The following SLC4A10 variants were observed in gnomAD, a reference collection of about 807,000 sequenced individuals.
SLC4A10 encodes sodium-driven chloride bicarbonate exchanger.
Under a neutral mutation model 137.7 loss-of-function variants are expected in SLC4A10, and 42 were observed. The observed-to-expected ratio is 0.30, with a 90% CI of 0.24 to 0.39. SLC4A10 has a LOEUF of 0.39. Among genes scored for constraint, SLC4A10 ranks in the 10% least tolerant of loss-of-function variants. The pLI is 1.00. For synonymous variants in SLC4A10, 474 were observed against 464.1 expected (o/e 1.02, Z -0.27); for missense variants, 925 against 1,355.0 (o/e 0.68, Z 4.98).
chr2:161,673,786 T>C (rs772369736), intron 1 of SLC4A10, among the ~76,000 whole-genome samples: 13 of 152,106 alleles, frequency 8.5e-5, no homozygotes, highest in Non-Finnish European at 1.5e-4. Flanking sequence ...GGTCAGGAGT[T>C]CAAGACCAGC....
intron 1 of SLC4A10, among the ~76,000 whole-genome samples, chr2:161,760,795 T>A (rs981355579): frequency 4.6e-5 from 7 of 151,978 alleles, no homozygotes; most frequent in Non-Finnish European, 7.4e-5. Context: ...ATAATCTCTC[T>A]GAGGATGGAA....
Position 161,780,891 on chromosome 2 carries a change from A to C in SLC4A10, c.130+9837A>C, listed in dbSNP as rs574999198. Among the ~76,000 whole-genome samples, 5 of 152,186 alleles carry C rather than the reference A, an allele frequency of 3.3e-5. No homozygotes were observed. The East Asian group carries it at 9.7e-4, about 29-fold the overall frequency. ...ATAATATGTTTAATAAAAAATACAT[A>C]TCTAAAAGGATAATCTGATGTTGTA... On this transcript the variant is annotated intron_variant, in intron 2 of 26. Coordinates refer to ENST00000446997, the MANE Select transcript of SLC4A10 (RefSeq NM_001178015.2).
chr2:161,816,636 C>G (rs1349035213), intron 3 of SLC4A10, among the ~76,000 whole-genome samples: 2 of 126,664 alleles, frequency 1.6e-5, no homozygotes, highest in South Asian at 3.3e-4. Flanking sequence ...CCCCTCCCCC[C>G]ACCCCACAAC....
chr2:161,969,910 A>G (rs1698219168), intron 23 of SLC4A10, among the ~76,000 whole-genome samples: 1 of 152,226 alleles, frequency 6.6e-6, no homozygotes, highest in Non-Finnish European at 1.5e-5. Flanking sequence ...GCTGAATCTT[A>G]GAGTGGGGCA....
intron 1 of SLC4A10, among the ~76,000 whole-genome samples, chr2:161,737,841 AT>A (rs35874258): frequency 6.6e-6 from 1 of 152,022 alleles, no homozygotes; most frequent in Admixed American, 6.6e-5. Context: ...TTAGTCAATG[AT>A]TTTTTCCCCA....
chr2:161,879,922 G>A (rs190698619), intron 9 of SLC4A10, among the ~76,000 whole-genome samples: 1 of 151,310 alleles, frequency 6.6e-6, no homozygotes, highest in African/African-American at 2.4e-5. Flanking sequence ...AACAACTTAG[G>A]GATAATACAA....
At chr2:161,749,939 G>T (rs2048786807) in intron 1 of SLC4A10, among the ~76,000 whole-genome samples, 1 of 151,566 alleles carries the variant, frequency 6.6e-6, no homozygotes, top group Non-Finnish European at 1.5e-5. Context: ...TTTATTATTG[G>T]TCTGTTCAAG....
chr2:161,983,262 T>C lies in SLC4A10; in HGVS notation c.*110T>C, dbSNP rs1260395447. On this transcript the variant is annotated 3_prime_UTR_variant, in exon 27 of 27. Coordinates refer to ENST00000446997, the MANE Select transcript of SLC4A10 (RefSeq NM_001178015.2). ...TGTCTATGACTCGATCTTCAATTTA[T>C]TTTTTACATATATATGAGAAGAGTG... 56 of 1,531,212 alleles carry C rather than the reference T, an allele frequency of 3.7e-5. No individual in the cohort carries two copies. The highest frequency in any genetic ancestry group is 3.3e-4 in the Middle Eastern group (2 of 6,002). The allele number at this position is 1,531,212 out of a possible 1,614,324, so 94.9% of individuals were successfully genotyped here. A position where few individuals can be genotyped will look rare whatever the true frequency, so the allele number is the denominator to read the frequency against.
chr2:161,950,546 T>G (rs1694615167), intron 18 of SLC4A10, 141 bp from the exon 19 acceptor site: 1 of 669,766 alleles, frequency 1.5e-6, no homozygotes, highest in Non-Finnish European at 2.4e-6. Context: ...AAGTGATTTA[T>G]GAGTATTATT....
chr2:161,862,963 C>A lies in SLC4A10; in HGVS notation c.667C>A (p.His223Asn), dbSNP rs1223068536. 1 of 1,613,670 alleles carries A rather than the reference C, an allele frequency of 6.2e-7. No individual in the cohort carries two copies. The highest frequency in any genetic ancestry group is 1.3e-5 in the African/African-American group (1 of 74,922). The change falls in exon 6 of 27, where the codon CAT (histidine) becomes AAT (asparagine). Residue 223 changes from histidine to asparagine, a missense_variant. His to Asn is a moderately conservative substitution (Grantham distance 68, BLOSUM62 1). Transcript: ENST00000446997. Reference protein sequence around the residue: ...VHEALMKQHHHQNQKKLTNRI... With the variant: ...VHEALMKQHHNQNQKKLTNRI... Reference sequence around the variant, plus strand: ...TGAGGCATTGATGAAACAGCATCATCATCAGAATCAGAAAAAACTCACCAA... The same window carrying A: ...TGAGGCATTGATGAAACAGCATCATAATCAGAATCAGAAAAAACTCACCAA...
At chr2:161,741,319 C>T (rs1165465967) in intron 1 of SLC4A10, among the ~76,000 whole-genome samples, 3 of 148,392 alleles carry the variant, frequency 2.0e-5, no homozygotes, top group Admixed American at 6.8e-5. Context: ...ACTGAGCTAT[C>T]GAAGGCTCCG....
intron 1 of SLC4A10, among the ~76,000 whole-genome samples, chr2:161,699,052 C>A (rs2042858473): frequency 6.6e-6 from 1 of 152,064 alleles, no homozygotes; most frequent in Non-Finnish European, 1.5e-5. Context: ...TGGAGTCTCG[C>A]TCTGTCGCCC....
chr2:161,637,391 G>C (rs1044837174), intron 1 of SLC4A10, among the ~76,000 whole-genome samples: 5 of 151,872 alleles, frequency 3.3e-5, no homozygotes, highest in Non-Finnish European at 5.9e-5. Context: ...AGTAGAGACA[G>C]GTTTTTACCG....
chr2:161,854,402 G>A (rs890760705), intron 4 of SLC4A10, among the ~76,000 whole-genome samples: 9 of 152,042 alleles, frequency 5.9e-5, no homozygotes, highest in African/African-American at 1.4e-4. Flanking sequence ...CCAGGGATGG[G>A]GTCTGAGCTC....
chr2:161,958,893 G>A (rs935989519), intron 21 of SLC4A10, among the ~76,000 whole-genome samples: 5 of 152,018 alleles, frequency 3.3e-5, no homozygotes, highest in Admixed American at 1.3e-4. Flanking sequence ...GACATCTATT[G>A]GTAAGAATAG....
At chr2:161,928,100 T>C (rs1289519674) in intron 15 of SLC4A10, among the ~76,000 whole-genome samples, 3 of 150,782 alleles carry the variant, frequency 2.0e-5, no homozygotes, top group Admixed American at 6.6e-5. Context: ...TTATTCACAA[T>C]AGCAAAGACT....
intron 1 of SLC4A10, among the ~76,000 whole-genome samples, chr2:161,683,710 T>C (rs919078217): frequency 1.3e-5 from 2 of 152,194 alleles, no homozygotes; most frequent in Non-Finnish European, 2.9e-5. Context: ...AGAGGAGTAA[T>C]ATTTGACTTA....
rs144189213 is a variant in SLC4A10, at chr2:161,983,487, A to T, written c.*335A>T. 2.4e-6 allele frequency: 1 copy of T among 420,736 alleles called. No individual in the cohort carries two copies. Among genetic ancestry groups the T allele is most frequent in the African/African-American group, 2.0e-5 (1 of 48,812 alleles). 26.1% of individuals were successfully genotyped at this position (420,736 alleles called of 1,614,324 possible). On this transcript the variant is annotated 3_prime_UTR_variant, in exon 27 of 27. Coordinates refer to ENST00000446997, the MANE Select transcript of SLC4A10 (RefSeq NM_001178015.2). ...CCTTGCTGTACGTTAGACATTTGTAAACTGGATTCTGATTGTCAGTTTTAT... is the reference window on the plus strand; with the variant it reads ...CCTTGCTGTACGTTAGACATTTGTATACTGGATTCTGATTGTCAGTTTTAT...
chr2:161,713,509 C>T (rs2044517048), intron 1 of SLC4A10, among the ~76,000 whole-genome samples: 1 of 151,772 alleles, frequency 6.6e-6, no homozygotes, highest in Non-Finnish European at 1.5e-5. Flanking sequence ...TCCTAGATTT[C>T]AGATCCTAAG....
Sources: allele counts gnomAD v4.1 joint callset (sites outside exome capture counted in the v4.1 genomes callset), GRCh38; gene constraint gnomAD v4.1.1; transcripts MANE v1.5; gene names NCBI Gene and HGNC (gene_info 2026-07-23, HGNC 2026-07-21).